PDZD2: variants seen among roughly 807,000 people sequenced by gnomAD.
PDZD2 encodes PDZ domain containing 2.
PDZD2 carries 90 observed loss-of-function variants against 220.7 expected under a neutral mutation model. The ratio of observed to expected loss-of-function variants is 0.41; its 90% CI spans 0.34 to 0.49. The LOEUF is 0.49. PDZD2 is among the 20% of genes least tolerant of loss of function. PDZD2 has a pLI of 0.28. For missense variants in PDZD2, 3,174 were observed against 3,608.5 expected (o/e 0.88, Z 3.08); for synonymous variants, 1,375 against 1,450.5 (o/e 0.95, Z 1.18).
chr5:31,741,360 ATT>A (rs1554069109), intron 1 of PDZD2, among the ~76,000 whole-genome samples: 12 of 141,462 alleles, frequency 8.5e-5, no homozygotes, highest in South Asian at 6.7e-4. Flanking sequence ...TAAAGCCAAG[ATT>A]TTTTTTTTTT....
chr5:31,913,142 G>A (rs1003631701), intron 2 of PDZD2, among the ~76,000 whole-genome samples: 6 of 152,152 alleles, frequency 3.9e-5, no homozygotes. Context: ...GCTGAGGCGG[G>A]TGGATTGCTT....
chr5:32,092,450 T>C (rs1318268573), intron 20 of PDZD2, among the ~76,000 whole-genome samples: 1 of 151,512 alleles, frequency 6.6e-6, no homozygotes, highest in East Asian at 1.9e-4. Context: ...CAGGTGCCTG[T>C]GATCCCAACT....
intron 14 of PDZD2, among the ~76,000 whole-genome samples, chr5:32,061,452 C>A (rs1342116020): frequency 6.6e-6 from 1 of 152,242 alleles, no homozygotes; most frequent in East Asian, 1.9e-4. Context: ...AATCTGCAAG[C>A]CTTGGACTGG....
chr5:31,640,493 G>T (rs1409194448), intron 1 of PDZD2, among the ~76,000 whole-genome samples: 1 of 152,210 alleles, frequency 6.6e-6, no homozygotes, highest in Admixed American at 6.5e-5. Flanking sequence ...AAATCGCAAT[G>T]AAACTACTGG....
intron 1 of PDZD2, among the ~76,000 whole-genome samples, chr5:31,649,661 G>A (rs1392133615): frequency 6.6e-6 from 1 of 151,982 alleles, no homozygotes; most frequent in African/African-American, 2.4e-5. Flanking sequence ...TCGGCTGGGC[G>A]CGGCAGCGCA....
chr5:31,977,913 G>A (rs1260973667), intron 2 of PDZD2, among the ~76,000 whole-genome samples: 1 of 152,210 alleles, frequency 6.6e-6, no homozygotes, highest in Non-Finnish European at 1.5e-5. Flanking sequence ...GGTGGAGGCT[G>A]CAGTGAGCTG....
chr5:31,785,642 T>C (rs925766251), intron 1 of PDZD2, among the ~76,000 whole-genome samples: 5 of 151,910 alleles, frequency 3.3e-5, no homozygotes. Flanking sequence ...GGTCTCGCCA[T>C]GTTGCCCCGG....
intron 2 of PDZD2, among the ~76,000 whole-genome samples, chr5:31,901,333 G>A (rs547763251): frequency 9.2e-5 from 14 of 151,674 alleles, no homozygotes; most frequent in South Asian, 4.2e-4. Flanking sequence ...CGCAAGAATC[G>A]CTTAAACCTG....
At chr5:31,836,996 C>A (rs1756973017) in intron 2 of PDZD2, among the ~76,000 whole-genome samples, 2 of 149,580 alleles carry the variant, frequency 1.3e-5, no homozygotes, top group South Asian at 4.2e-4. Context: ...CCAGCCTGGG[C>A]AACTGAGCGA....
intron 2 of PDZD2, among the ~76,000 whole-genome samples, chr5:31,842,175 A>G (rs1580869301): frequency 6.6e-6 from 1 of 152,116 alleles, no homozygotes; most frequent in South Asian, 2.1e-4. Flanking sequence ...GTTCTCCTCC[A>G]TTTCATCCCT....
chr5:31,957,192 A>C (rs183294233), intron 2 of PDZD2, among the ~76,000 whole-genome samples: 16 of 152,302 alleles, frequency 1.1e-4, no homozygotes, highest in African/African-American at 3.9e-4. Context: ...ATGAGCCACC[A>C]TGCCTGGCTC....
intron 1 of PDZD2, among the ~76,000 whole-genome samples, chr5:31,795,626 A>G (rs1362566674): frequency 6.6e-6 from 1 of 152,066 alleles, no homozygotes; most frequent in Non-Finnish European, 1.5e-5. Flanking sequence ...CTAACTGCAG[A>G]TTTCTGTTCT....
At chr5:32,041,929 T>C (rs1202684324) in intron 7 of PDZD2, among the ~76,000 whole-genome samples, 1 of 103,230 alleles carries the variant, frequency 9.7e-6, no homozygotes, top group East Asian at 3.1e-4. Context: ...AAAAAAAACA[T>C]CAATTGCCGG....
chr5:31,778,699 G>A (rs967774729), intron 1 of PDZD2, among the ~76,000 whole-genome samples: 2 of 152,086 alleles, frequency 1.3e-5, no homozygotes, highest in African/African-American at 2.4e-5. Context: ...GAGGGTCCGC[G>A]GCTTCATTGT....
At chr5:31,779,892 T>C (rs1752958141) in intron 1 of PDZD2, among the ~76,000 whole-genome samples, 4 of 152,192 alleles carry the variant, frequency 2.6e-5, no homozygotes, top group Admixed American at 6.5e-5. Flanking sequence ...TTGCCCACTT[T>C]GGCTGTGTTT....
chr5:31,753,186 A>C (rs1223261639), intron 1 of PDZD2, among the ~76,000 whole-genome samples: 1 of 152,226 alleles, frequency 6.6e-6, no homozygotes, highest in Non-Finnish European at 1.5e-5. Context: ...ATTTTTATAG[A>C]GGTACCATTG....
chr5:31,877,973 G>A (rs1739460530), intron 2 of PDZD2, among the ~76,000 whole-genome samples: 1 of 152,132 alleles, frequency 6.6e-6, no homozygotes, highest in African/African-American at 2.4e-5. Context: ...ACAGGCGTGA[G>A]CCACCACGCC....
At chr5:31,684,072 C>A (rs1456004676) in intron 1 of PDZD2, among the ~76,000 whole-genome samples, 1 of 152,152 alleles carries the variant, frequency 6.6e-6, no homozygotes, top group Non-Finnish European at 1.5e-5. Flanking sequence ...ATCAAAGGAT[C>A]CCTACAGATC....
At chr5:31,736,575 C>T (rs1419446464) in intron 1 of PDZD2, among the ~76,000 whole-genome samples, 1 of 152,180 alleles carries the variant, frequency 6.6e-6, no homozygotes, top group Non-Finnish European at 1.5e-5. Flanking sequence ...TCTTATAATA[C>T]TGAAAAGTTT....
Sources: gnomAD v4.1 joint callset for allele counts (sites outside exome capture counted in the v4.1 genomes callset) on GRCh38, gnomAD v4.1.1 for gene constraint, MANE v1.5 for transcripts, NCBI Gene and HGNC (gene_info 2026-07-23, HGNC 2026-07-21) for gene names.